ZFHX4: variants seen among roughly 807,000 people sequenced by gnomAD.
ZFHX4 encodes zinc finger homeobox 4.
A neutral mutation model predicts 267.6 loss-of-function variants in ZFHX4; 56 were observed. That is an observed-to-expected ratio of 0.21 (90% CI 0.17 to 0.26). The LOEUF (loss-of-function observed/expected upper bound fraction) is 0.26, where lower values mean the gene tolerates loss of function less well. Among genes scored for constraint, ZFHX4 ranks in the 10% least tolerant of loss-of-function variants. The pLI, the probability that ZFHX4 is intolerant of heterozygous loss-of-function variation, is 1.00. For missense variants in ZFHX4, 4,332 were observed against 4,420.0 expected (o/e 0.98, Z 0.56); for synonymous variants, 1,778 against 1,665.6 (o/e 1.07, Z -1.64).
intron 4 of ZFHX4, among the ~76,000 whole-genome samples, chr8:76,818,843 A>G (rs1811571588): frequency 6.6e-6 from 1 of 152,090 alleles, no homozygotes; most frequent in African/African-American, 2.4e-5. Flanking sequence ...ACTGAGCATA[A>G]GATGTTGAGG....
chr8:76,800,361 T>C (rs916621353), intron 4 of ZFHX4, among the ~76,000 whole-genome samples: 1 of 152,178 alleles, frequency 6.6e-6, no homozygotes, highest in Admixed American at 6.5e-5. Flanking sequence ...ATTTGCATTT[T>C]GATGGGATGT....
intron 8 of ZFHX4, 126 bp from the exon 9 acceptor site, chr8:76,850,119 G>T: frequency 1.4e-6 from 1 of 737,070 alleles, no homozygotes. Flanking sequence ...TGTAACATCT[G>T]CAAAACATCC....
At chr8:76,741,033 T>C (rs1355704192) in intron 3 of ZFHX4, among the ~76,000 whole-genome samples, 2 of 152,036 alleles carry the variant, frequency 1.3e-5, no homozygotes, top group African/African-American at 2.4e-5. Context: ...TACCTCTACA[T>C]AGGAGTGGTG....
intron 3 of ZFHX4, among the ~76,000 whole-genome samples, chr8:76,753,068 C>T (rs931798462): frequency 1.3e-5 from 2 of 152,098 alleles, no homozygotes; most frequent in South Asian, 2.1e-4. Context: ...TAGGGTCCAT[C>T]GTTTTCAATA....
At chr8:76,767,044 G>GGTGTGT (rs34640815) in intron 3 of ZFHX4, among the ~76,000 whole-genome samples, 10 of 146,830 alleles carry the variant, frequency 6.8e-5, no homozygotes, top group African/African-American at 2.5e-4. Context: ...CTCATAAAGG[G>GGTGTGT]GTGTGTGTGT....
intron 3 of ZFHX4, among the ~76,000 whole-genome samples, chr8:76,767,869 A>T (rs1810091871): frequency 6.6e-6 from 1 of 152,198 alleles, no homozygotes; most frequent in African/African-American, 2.4e-5. Context: ...GATGGGTTTG[A>T]CATTGGTCCT....
At chr8:76,772,504 G>A (rs1810289822) in intron 3 of ZFHX4, among the ~76,000 whole-genome samples, 1 of 152,094 alleles carries the variant, frequency 6.6e-6, no homozygotes, top group South Asian at 2.1e-4. Context: ...CTAAAGCCAG[G>A]GACTAAGAGG....
At chr8:76,786,675 T>G (rs1439043222) in intron 4 of ZFHX4, among the ~76,000 whole-genome samples, 1 of 152,118 alleles carries the variant, frequency 6.6e-6, no homozygotes, top group African/African-American at 2.4e-5. Context: ...CCTAGCTAAG[T>G]TTTTATGTAA....
intron 3 of ZFHX4, among the ~76,000 whole-genome samples, chr8:76,722,804 G>A (rs772806005): frequency 3.3e-5 from 5 of 151,964 alleles, no homozygotes; most frequent in South Asian, 2.1e-4. Context: ...TTGGTGTTGC[G>A]TTTTGTACTT....
rs1398036874 is a variant in ZFHX4, at chr8:76,855,882, T to C, written c.8961T>C (p.Phe2987=). The change falls in exon 10 of 11, where the codon TTT becomes TTC. Residue 2987 remains phenylalanine, a synonymous_variant. Coordinates refer to ENST00000651372, the MANE Select transcript of ZFHX4 (RefSeq NM_024721.5). The part of the protein sequence containing the change: ...FQNARAKEKK[F]KINIGKPFMI... ...ATGCAAGGGCAAAGGAAAAGAAATT[T>C]AAAATTAACATAGGGAAGCCTTTCA... The C allele has an allele frequency of 3.7e-6, 6 of 1,613,596 alleles. No individual in the cohort carries two copies. The highest frequency in any genetic ancestry group is 5.1e-6 in the Non-Finnish European group (6 of 1,179,810).
intron 5 of ZFHX4, among the ~76,000 whole-genome samples, chr8:76,842,136 G>A (rs548077028): frequency 1.3e-5 from 2 of 152,032 alleles, no homozygotes; most frequent in South Asian, 2.1e-4. Flanking sequence ...AATCCCCAAT[G>A]TAACTGAAGT....
chr8:76,708,710 G>A (rs1261215634), intron 3 of ZFHX4, among the ~76,000 whole-genome samples: 2 of 152,096 alleles, frequency 1.3e-5, no homozygotes, highest in Non-Finnish European at 2.9e-5. Context: ...TCTTTACTTG[G>A]AAGACTGTGC....
At chr8:76,809,385 T>G (rs2131841746) in intron 4 of ZFHX4, among the ~76,000 whole-genome samples, 1 of 152,318 alleles carries the variant, frequency 6.6e-6, no homozygotes, top group Non-Finnish European at 1.5e-5. Context: ...TATCATCTCT[T>G]AAGCATAACA....
rs140752434 is a variant in ZFHX4, at chr8:76,857,574, G to A, written c.9379+1274G>A. Among the ~76,000 whole-genome samples, 165 of 152,018 alleles carry A rather than the reference G, an allele frequency of 1.1e-3. 1 individual carries two copies. In the East Asian group the frequency reaches 0.015, roughly 13 times the overall value. ...GACATCCTATGGCCCCTCAGCCACCGCTAGCTTACCTGGTTTTCTGTTCTG... is the reference window on the plus strand; with the variant it reads ...GACATCCTATGGCCCCTCAGCCACCACTAGCTTACCTGGTTTTCTGTTCTG... On this transcript the variant is annotated intron_variant, in intron 10 of 10. Transcript: ENST00000651372.
Position 76,855,542 on chromosome 8 carries a change from A to C in ZFHX4, c.8621A>C (p.His2874Pro). 6 of 1,613,848 alleles carry C rather than the reference A, an allele frequency of 3.7e-6. No homozygotes were observed. Among genetic ancestry groups the C allele is most frequent in the Non-Finnish European group, 5.1e-6 (6 of 1,179,844 alleles). Residue 2874 changes from histidine to proline, a missense_variant, in exon 10 of 11, where the codon CAT (histidine) becomes CCT (proline). Around this residue, in one of 7 missense-constraint regions of ZFHX4, gnomAD observed 1,648 missense variants for 1,625.0 expected, o/e 1.01. Coordinates refer to ENST00000651372, the MANE Select transcript of ZFHX4 (RefSeq NM_024721.5). ...FLFSLTSPSI[H>P]FNDKDGDHDQ... ...TTTTCTCTCACAAGCCCATCCATCC[A>C]TTTCAATGACAAAGATGGCGACCAC... is the stretch of plus-strand genomic sequence containing the variant.
In ZFHX4 at chr8:76,866,214, A is replaced by C. The variant is rs1813022118; in HGVS notation, c.*1649A>C. On this transcript the variant is annotated 3_prime_UTR_variant, in exon 11 of 11. Transcript: ENST00000651372. Reference sequence around the variant, plus strand: ...TTTGTAGTTGGCTGTGCATGGTACAAATTTATTAATATGAAGAAATGCAAA... The same window carrying C: ...TTTGTAGTTGGCTGTGCATGGTACACATTTATTAATATGAAGAAATGCAAA... 6.6e-6 allele frequency: 1 copy of C among 152,646 alleles called. No individual in the cohort carries two copies. The highest frequency in any genetic ancestry group is 6.6e-5 in the Admixed American group (1 of 15,266). 9.5% of individuals were successfully genotyped at this position (152,646 alleles called of 1,614,324 possible). A position where few individuals can be genotyped will look rare whatever the true frequency, so the allele number is the denominator to read the frequency against.
At chr8:76,817,287 T>G (rs1187853546) in intron 4 of ZFHX4, among the ~76,000 whole-genome samples, 2 of 152,232 alleles carry the variant, frequency 1.3e-5, no homozygotes, top group African/African-American at 4.8e-5. Flanking sequence ...CTCATAAGAT[T>G]TTTTTCTTCT....
At chr8:76,725,763 T>C (rs974631955) in intron 3 of ZFHX4, among the ~76,000 whole-genome samples, 1 of 152,166 alleles carries the variant, frequency 6.6e-6, no homozygotes. Context: ...AGTACAATAT[T>C]ATATGTTTCT....
chr8:76,857,354 T>TTATATACA (rs1205512377), intron 10 of ZFHX4, among the ~76,000 whole-genome samples: 6 of 143,430 alleles, frequency 4.2e-5, no homozygotes, highest in Non-Finnish European at 9.1e-5. Flanking sequence ...TTCACTAATT[T>TTATATACA]TATATATATA....
Sources: allele counts gnomAD v4.1 joint callset (sites outside exome capture counted in the v4.1 genomes callset), GRCh38; gene constraint gnomAD v4.1.1; regional missense constraint gnomAD v4.1.1; transcripts MANE v1.5; gene names NCBI Gene and HGNC (gene_info 2026-07-23, HGNC 2026-07-21).